Variants in CENPU observed in about 807,000 individuals in gnomAD.
The protein encoded by CENPU is KSHV latent nuclear antigen interacting protein 1.
In CENPU, 46 loss-of-function variants were observed where a neutral mutation model predicts 56.7. The observed-to-expected ratio is 0.81, with a 90% CI of 0.64 to 1.04. The LOEUF (loss-of-function observed/expected upper bound fraction) is 1.04. Ranked by LOEUF, CENPU falls within the 50% of genes least tolerant of loss-of-function variation. CENPU has a pLI of 0.00. For synonymous variants in CENPU, 166 were observed against 163.0 expected (o/e 1.02, Z -0.14); for missense variants, 510 against 490.1 (o/e 1.04, Z -0.38).
chr4:184,721,020 TAGAA>T (rs1236791456), intron 4 of CENPU, among the ~76,000 whole-genome samples: 1 of 152,090 alleles, frequency 6.6e-6, no homozygotes, highest in Non-Finnish European at 1.5e-5. Context: ...TCATTGTAAG[TAGAA>T]AGACTAAAAG....
intron 11 of CENPU, chr4:184,698,413 A>T (rs67798981): frequency 0.18 from 27,131 of 152,198 alleles, 2,727 homozygotes; most frequent in African/African-American, 0.26. Context: ...ATAAAGATAT[A>T]AAACACAATT....
chr4:184,732,354 G>A (rs1761677968), intron 1 of CENPU, among the ~76,000 whole-genome samples: 1 of 152,152 alleles, frequency 6.6e-6, no homozygotes, highest in African/African-American at 2.4e-5. Flanking sequence ...ACCACCCCAG[G>A]AGTGTCTGAT....
chr4:184,724,985 T>C lies in CENPU; in HGVS notation c.292A>G (p.Thr98Ala), dbSNP rs1177006220. ...SKHCGLSLSS[T>A]PPGKEAKRSS... ...CTTTTTGCTTCTTTTCCTGGAGGAG[T>C]TGAAGAGAGAGACAGTCCACAATGT... The change falls in exon 4 of 13, where the codon ACT (threonine) becomes GCT (alanine). Residue 98 changes from threonine (T) to alanine (A), a missense_variant. By Grantham distance (58) the Thr-to-Ala change is moderately conservative (BLOSUM62 0). Coordinates refer to ENST00000281453, the MANE Select transcript of CENPU (RefSeq NM_024629.4). The C allele has an allele frequency of 1.2e-6, 2 of 1,612,412 alleles. No individual in the cohort carries two copies. The highest frequency in any genetic ancestry group is 1.7e-6 in the Non-Finnish European group (2 of 1,178,972).
In CENPU at chr4:184,716,385, AG is replaced by A. The variant is rs766251217; in HGVS notation, c.618+11del. On this transcript the variant is annotated intron_variant, in intron 6 of 12. Coordinates refer to ENST00000281453, the MANE Select transcript of CENPU (RefSeq NM_024629.4). ...TTTTTTTGCCCTCCTAGGGGATGGC[AG>A]ACGTTCTTACCGATTGACTTTCTAT... 1 of 1,599,770 alleles carries A rather than the reference AG, an allele frequency of 6.3e-7. No homozygotes were observed. The highest frequency in any genetic ancestry group is 1.1e-5 in the South Asian group (1 of 89,920).
intron 2 of CENPU, among the ~76,000 whole-genome samples, chr4:184,729,962 T>C (rs1163729804): frequency 6.6e-6 from 1 of 152,190 alleles, no homozygotes; most frequent in Non-Finnish European, 1.5e-5. Context: ...GCAAACCATA[T>C]AAAAACTTGA....
intron 4 of CENPU, among the ~76,000 whole-genome samples, chr4:184,719,372 T>G (rs1761197162): frequency 6.6e-6 from 1 of 152,176 alleles, no homozygotes; most frequent in Non-Finnish European, 1.5e-5. Flanking sequence ...GAAGCTTTGC[T>G]TTGAATTCAG....
At position 184,694,352 on chromosome 4, in the gene CENPU, C is replaced by G; in HGVS notation, c.*936G>C. ...AGCTTCAGTGCAGCAACGTTTGAAT[C>G]AGTGCACTCATTCCCACGGTGAGAT... On this transcript the variant is annotated 3_prime_UTR_variant, in exon 13 of 13. Coordinates refer to ENST00000281453, the MANE Select transcript of CENPU (RefSeq NM_024629.4). 7.2e-7 allele frequency: 1 copy of G among 1,394,728 alleles called. No homozygotes were observed. Among genetic ancestry groups the G allele is most frequent in the Non-Finnish European group, 9.3e-7 (1 of 1,075,438 alleles). The allele number at this position is 1,394,728 out of a possible 1,614,324, so 86.4% of individuals were successfully genotyped here.
chr4:184,733,982 C>T lies in CENPU; in HGVS notation c.47+34G>A, dbSNP rs530404277. 4.3e-6 allele frequency: 7 copies of T among 1,611,136 alleles called. No homozygotes were observed. In the South Asian group the frequency reaches 6.6e-5, roughly 15 times the overall value. On this transcript the variant is annotated intron_variant, in intron 1 of 12. Transcript: ENST00000281453. ...CGAGGAAGCAGTTCAAGCTGGTCTC[C>T]GGCCCCGCGCTCCCGAGGGTCGGCA... is the stretch of plus-strand genomic sequence containing the variant.
intron 6 of CENPU, among the ~76,000 whole-genome samples, chr4:184,715,869 T>C (rs1761073676): frequency 6.6e-6 from 1 of 151,816 alleles, no homozygotes; most frequent in African/African-American, 2.4e-5. Context: ...AAAAACATGG[T>C]GGTTATTTTG....
intron 8 of CENPU, among the ~76,000 whole-genome samples, chr4:184,704,557 C>T (rs1168329724): frequency 2.0e-5 from 3 of 150,334 alleles, no homozygotes; most frequent in Non-Finnish European, 3.0e-5. Context: ...AACACATCCC[C>T]GTTGTTAAGT....
intron 8 of CENPU, among the ~76,000 whole-genome samples, chr4:184,707,780 A>G (rs1481506998): frequency 6.6e-6 from 1 of 152,244 alleles, no homozygotes; most frequent in East Asian, 1.9e-4. Context: ...GAGGAACCCA[A>G]CTATTTCAAA....
At chr4:184,732,462 T>C (rs1761681735) in intron 1 of CENPU, among the ~76,000 whole-genome samples, 1 of 152,164 alleles carries the variant, frequency 6.6e-6, no homozygotes, top group African/African-American at 2.4e-5. Flanking sequence ...GTAAGACAAG[T>C]ATTGGTTTTA....
chr4:184,694,296 A>G lies in CENPU; in HGVS notation c.*992T>C. ...AAAGTATGTGCACAGAACTGTAGGT[A>G]ATTTCAAATTTGGAGTTTCAAGTGT... On this transcript the variant is annotated 3_prime_UTR_variant, in exon 13 of 13. Transcript: ENST00000281453. 1 of 1,317,566 alleles carries G rather than the reference A, an allele frequency of 7.6e-7. No individual in the cohort carries two copies. Among genetic ancestry groups the G allele is most frequent in the Non-Finnish European group, 9.7e-7 (1 of 1,031,004 alleles). 81.6% of individuals were successfully genotyped at this position (1,317,566 alleles called of 1,614,324 possible).
chr4:184,703,764 G>A (rs1448378673), intron 8 of CENPU, among the ~76,000 whole-genome samples: 1 of 152,176 alleles, frequency 6.6e-6, no homozygotes, highest in Non-Finnish European at 1.5e-5. Flanking sequence ...AACAACTCAA[G>A]TGTCCATTGA....
chr4:184,725,885 G>A (rs1031245771), intron 3 of CENPU, among the ~76,000 whole-genome samples: 2 of 152,158 alleles, frequency 1.3e-5, no homozygotes, highest in African/African-American at 2.4e-5. Flanking sequence ...TGCTCCTAGC[G>A]GGTGCTCAGG....
chr4:184,695,501 C>T (rs1760255130), intron 12 of CENPU, 100 bp from the exon 13 acceptor site: 5 of 700,988 alleles, frequency 7.1e-6, no homozygotes, highest in Non-Finnish European at 1.3e-5. Flanking sequence ...ATTGAGCTTT[C>T]CATTAACTAC....
At chr4:184,721,518 C>T (rs1055361364) in intron 4 of CENPU, among the ~76,000 whole-genome samples, 1 of 146,096 alleles carries the variant, frequency 6.8e-6, no homozygotes, top group Non-Finnish European at 1.5e-5. Flanking sequence ...CACATTTCAC[C>T]TATAAAGATA....
At chr4:184,702,258 A>C (rs1760559703) in intron 9 of CENPU, 105 bp downstream of exon 9, 1 of 1,276,164 alleles carries the variant, frequency 7.8e-7, no homozygotes. Flanking sequence ...TAATGAGTTT[A>C]TTACCATACT....
intron 1 of CENPU, 59 bp downstream of exon 1, chr4:184,733,957 C>A: frequency 6.2e-7 from 1 of 1,606,294 alleles, no homozygotes; most frequent in South Asian, 1.1e-5. Flanking sequence ...CCACGGCAGG[C>A]GAGGAAGCAG....
Sources: gnomAD v4.1 joint callset for allele counts (sites outside exome capture counted in the v4.1 genomes callset) on GRCh38, gnomAD v4.1.1 for gene constraint, MANE v1.5 for transcripts, NCBI Gene and HGNC (gene_info 2026-07-23, HGNC 2026-07-21) for gene names.